The following BCL2 variants were observed in gnomAD, a reference collection of about 807,000 sequenced individuals.
BCL2 encodes apoptosis regulator Bcl-2.
A neutral mutation model predicts 14.2 loss-of-function variants in BCL2; 1 was observed. The observed-to-expected ratio is 0.07, with a 90% CI of 0.02 to 0.33. BCL2 has a LOEUF of 0.33. Ranked by LOEUF, BCL2 falls within the 10% of genes least tolerant of loss-of-function variation. The probability of loss-of-function intolerance (pLI) is 0.99; values close to 1 mark genes in which losing one functional copy is unlikely to be tolerated. For synonymous variants in BCL2, 151 were observed against 137.2 expected (o/e 1.10, Z -0.70); for missense variants, 247 against 305.9 (o/e 0.81, Z 1.44).
chr18:63,142,984 A>T (rs1357200406), intron 2 of BCL2, among the ~76,000 whole-genome samples: 1 of 152,196 alleles, frequency 6.6e-6, no homozygotes, highest in Non-Finnish European at 1.5e-5. Context: ...AGTCTCTGTC[A>T]GTGGCAGCAG....
At chr18:63,161,259 AC>A (rs1239113693) in intron 2 of BCL2, among the ~76,000 whole-genome samples, 1 of 152,130 alleles carries the variant, frequency 6.6e-6, no homozygotes, top group Non-Finnish European at 1.5e-5. Context: ...CCCCCCTTGG[AC>A]CAATTTAGTA....
intron 2 of BCL2, among the ~76,000 whole-genome samples, chr18:63,279,962 G>A (rs1009985798): frequency 6.6e-6 from 1 of 152,228 alleles, no homozygotes; most frequent in African/African-American, 2.4e-5. Flanking sequence ...GGAAGATACA[G>A]GGCTATGATT....
intron 2 of BCL2, among the ~76,000 whole-genome samples, chr18:63,311,465 T>C (rs1194845356): frequency 6.6e-6 from 1 of 152,144 alleles, no homozygotes; most frequent in African/African-American, 2.4e-5. Flanking sequence ...CAAGAAAAGA[T>C]GTATTGGTCT....
At chr18:63,230,335 TGAA>T (rs1386970669) in intron 2 of BCL2, among the ~76,000 whole-genome samples, 1 of 152,164 alleles carries the variant, frequency 6.6e-6, no homozygotes, top group Admixed American at 6.5e-5. Flanking sequence ...AAATTTCAGT[TGAA>T]GAAAATGTTT....
chr18:63,169,362 T>C (rs1199817835), intron 2 of BCL2, among the ~76,000 whole-genome samples: 1 of 64,268 alleles, frequency 1.6e-5, no homozygotes, highest in Admixed American at 1.8e-4. Flanking sequence ...TCTTTCTTTC[T>C]TTCTTTCTCT....
intron 2 of BCL2, among the ~76,000 whole-genome samples, chr18:63,178,775 C>T (rs1915409159): frequency 6.6e-6 from 1 of 151,932 alleles, no homozygotes; most frequent in Non-Finnish European, 1.5e-5. Context: ...CCCTCCCCTT[C>T]CCACCCCCAA....
intron 2 of BCL2, among the ~76,000 whole-genome samples, chr18:63,156,173 C>T (rs1914777870): frequency 6.7e-6 from 1 of 149,950 alleles, no homozygotes; most frequent in African/African-American, 2.5e-5. Flanking sequence ...AAAGCAAGAG[C>T]CAACATAGAG....
intron 2 of BCL2, among the ~76,000 whole-genome samples, chr18:63,245,616 A>G (rs567795977): frequency 1.3e-5 from 2 of 152,372 alleles, no homozygotes; most frequent in African/African-American, 4.8e-5. Flanking sequence ...ACACACATAC[A>G]AATCAGTGCA....
intron 2 of BCL2, among the ~76,000 whole-genome samples, chr18:63,146,576 G>T (rs1240572897): frequency 1.3e-5 from 2 of 152,256 alleles, no homozygotes; most frequent in Non-Finnish European, 2.9e-5. Context: ...AGAGGGATTT[G>T]TGTTGGATAA....
At chr18:63,240,338 C>A (rs1488479290) in intron 2 of BCL2, among the ~76,000 whole-genome samples, 1 of 151,676 alleles carries the variant, frequency 6.6e-6, no homozygotes, top group African/African-American at 2.4e-5. Context: ...CCCACAGAAG[C>A]CTTTCTTTAA....
rs1914610761 is a variant in BCL2 at position 63,149,930 on chromosome 18, A to G, written c.586-21171T>C. ...TCCCTCTGTCAGTTACCCAGGCTGG[A>G]GTGCAGTGGTGCGATCTCGGCTCAC... On this transcript the variant is annotated intron_variant, in intron 2 of 2. Transcript: ENST00000333681. The surrounding 1 kb of genome is among the most constrained non-coding windows in gnomAD (Gnocchi z 4.2). Among the ~76,000 whole-genome samples the G allele has an allele frequency of 6.6e-6, 1 of 151,942 alleles. No homozygotes were observed. The highest frequency in any genetic ancestry group is 2.4e-5 in the African/African-American group (1 of 41,352).
At chr18:63,205,665 A>C (rs190301622) in intron 2 of BCL2, among the ~76,000 whole-genome samples, 3 of 152,222 alleles carry the variant, frequency 2.0e-5, no homozygotes, top group African/African-American at 7.2e-5. Flanking sequence ...ATTTAAAAAA[A>C]CAACAACATT....
At chr18:63,293,850 T>C (rs529479438) in intron 2 of BCL2, among the ~76,000 whole-genome samples, 74 of 152,316 alleles carry the variant, frequency 4.9e-4, no homozygotes, top group Middle Eastern at 3.4e-3. Flanking sequence ...AAACACTTCC[T>C]CACCCGGCTC....
chr18:63,266,630 C>G (rs1911832222), intron 2 of BCL2, among the ~76,000 whole-genome samples: 2 of 150,480 alleles, frequency 1.3e-5, no homozygotes, highest in Admixed American at 6.7e-5. Flanking sequence ...CTCTCTCTCT[C>G]TCTCTCTCAC....
At position 63,125,370 on chromosome 18, in the gene BCL2, G is replaced by C. The variant is rs1913883933; in HGVS notation, c.*3255C>G. On this transcript the variant is annotated 3_prime_UTR_variant, in exon 3 of 3. Transcript: ENST00000333681. ...CCAAATCTTCGGAGACGACCCGATG[G>C]CCATAGACCCTGTCAGCTGTCATTC... 4.5e-6 allele frequency: 1 copy of C among 224,462 alleles called. No homozygotes were observed. The highest frequency in any genetic ancestry group is 5.7e-5 in the Admixed American group (1 of 17,460). 13.9% of individuals were successfully genotyped at this position (224,462 alleles called of 1,614,324 possible). A position where few individuals can be genotyped will look rare whatever the true frequency, so the allele number is the denominator to read the frequency against.
intron 2 of BCL2, among the ~76,000 whole-genome samples, chr18:63,180,524 C>A (rs1203174575): frequency 1.4e-5 from 2 of 146,950 alleles, no homozygotes; most frequent in Non-Finnish European, 3.0e-5. Flanking sequence ...CACCCCAGAC[C>A]GCCCATCCCA....
At chr18:63,190,245 A>C (rs1477571179) in intron 2 of BCL2, among the ~76,000 whole-genome samples, 2 of 152,192 alleles carry the variant, frequency 1.3e-5, no homozygotes, top group Non-Finnish European at 2.9e-5. Flanking sequence ...TAATCTCCAA[A>C]TTAACAATTA....
At chr18:63,288,638 A>G (rs954367656) in intron 2 of BCL2, among the ~76,000 whole-genome samples, 6 of 152,228 alleles carry the variant, frequency 3.9e-5, no homozygotes, top group African/African-American at 1.4e-4. Flanking sequence ...TTGGTTCAGC[A>G]GTCAAGGGGA....
chr18:63,213,553 C>CATAA lies in BCL2; in HGVS notation c.586-84795_586-84794insTTAT, dbSNP rs1568235993. On this transcript the variant is annotated intron_variant, in intron 2 of 2. Transcript: ENST00000333681. ...ACACACACACACACACATAAACACACACACACACACACACACACACACACA... is the reference window on the plus strand; with the variant it reads ...ACACACACACACACACATAAACACACATAAACACACACACACACACACACACACA... 6.9e-3 allele frequency among the ~76,000 whole-genome samples: 731 copies of CATAA among 105,272 alleles called. 3 individuals are homozygous for CATAA. The highest frequency in any genetic ancestry group is 0.015 in the African/African-American group (442 of 28,908). 69.1% of individuals were successfully genotyped at this position (105,272 alleles called of 152,430 possible).
Sources: allele counts gnomAD v4.1 joint callset (sites outside exome capture counted in the v4.1 genomes callset), GRCh38; gene constraint gnomAD v4.1.1; non-coding constraint Gnocchi (gnomAD v3.1); transcripts MANE v1.5; gene names NCBI Gene and HGNC (gene_info 2026-07-23, HGNC 2026-07-21).